Variants in ITK observed in about 807,000 individuals in gnomAD.
ITK encodes tyrosine-protein kinase ITK/TSK.
Under a neutral mutation model 87.6 loss-of-function variants are expected in ITK, and 45 were observed. The observed-to-expected ratio is 0.51, with a 90% CI of 0.40 to 0.66. The LOEUF is 0.66. Ranked by LOEUF, ITK falls within the 30% of genes least tolerant of loss-of-function variation. The probability of loss-of-function intolerance (pLI) is 0.00; values close to 1 mark genes in which losing one functional copy is unlikely to be tolerated. For missense variants in ITK, 605 were observed against 766.3 expected (o/e 0.79, Z 2.48); for synonymous variants, 303 against 273.6 (o/e 1.11, Z -1.06).
At chr5:157,245,462 G>A (rs1755002514) in intron 13 of ITK, 2 of 552,708 alleles carry the variant, frequency 3.6e-6, no homozygotes, top group Non-Finnish European at 6.5e-6. Flanking sequence ...CCTATCTTTG[G>A]TTAGACAACA....
At chr5:157,193,680 G>C (rs1753793992) in intron 1 of ITK, among the ~76,000 whole-genome samples, 1 of 152,114 alleles carries the variant, frequency 6.6e-6, no homozygotes, top group Non-Finnish European at 1.5e-5. Flanking sequence ...TTCTTCAATG[G>C]ACATTTTCAG....
At chr5:157,251,885 G>T (rs1755144769) in intron 16 of ITK, among the ~76,000 whole-genome samples, 1 of 152,112 alleles carries the variant, frequency 6.6e-6, no homozygotes, top group Non-Finnish European at 1.5e-5. Context: ...TCCCATTACT[G>T]TAGCTTTAGA....
At position 157,245,729 on chromosome 5, in the gene ITK, G is replaced by T. The variant is rs1469011110; in HGVS notation, c.1453G>T (p.Ala485Ser). 5 of 1,613,996 alleles carry T rather than the reference G, an allele frequency of 3.1e-6. No homozygotes were observed. The highest frequency in any genetic ancestry group is 3.4e-6 in the Non-Finnish European group (4 of 1,179,976). Residue 485 changes from alanine to serine, a missense_variant, in exon 14 of 17, where the codon GCC (alanine) becomes TCC (serine). Physicochemically the swap from Ala to Ser is moderately conservative, Grantham distance 99. This residue lies in a region of ITK where 70 missense variants were observed against 122.5 expected (regional missense o/e 0.57). Transcript: ENST00000422843. ...TGTTTGCCTGTCTCCTCTCCAGGCT[G>T]CCAGAAATTGTTTGGTGGGAGAAAA... The part of the protein sequence containing the change: ...EACVIHRDLA[A>S]RNCLVGENQV...
intron 8 of ITK, 145 bp from the exon 9 acceptor site, chr5:157,237,964 G>GA (rs1315991420): frequency 1.3e-5 from 9 of 690,596 alleles, no homozygotes; most frequent in African/African-American, 1.8e-5. Flanking sequence ...AGGAGTAAAT[G>GA]AAACGGTAGC....
At chr5:157,202,981 A>G (rs574282801) in intron 1 of ITK, among the ~76,000 whole-genome samples, 236 of 152,254 alleles carry the variant, frequency 1.6e-3, no homozygotes, top group Non-Finnish European at 2.5e-3. Context: ...AGACTTACCC[A>G]GTATTTTTCT....
rs937525028 is a variant in ITK at position 157,253,712 on chromosome 5, C to T, written c.*1034C>T. 1 of 221,414 alleles carries T rather than the reference C, an allele frequency of 4.5e-6. No homozygotes were observed. The highest frequency in any genetic ancestry group is 5.8e-5 in the Admixed American group (1 of 17,332). The allele number at this position is 221,414 out of a possible 1,614,324, so 13.7% of individuals were successfully genotyped here. On this transcript the variant is annotated 3_prime_UTR_variant, in exon 17 of 17. Transcript: ENST00000422843. ...CGAGCAATTGAAACTTGTTTAGGCC[C>T]TAGGGTTGAGCAATTTTAAGGTTGA...
chr5:157,246,024 GC>G, intron 15 of ITK, 25 bp downstream of exon 15: 3 of 1,495,216 alleles, frequency 2.0e-6, no homozygotes, highest in Non-Finnish European at 1.9e-6. Context: ...GGGCCCCACT[GC>G]CCCATGATCT....
At chr5:157,217,721 C>T in intron 4 of ITK, 146 bp from the exon 5 acceptor site, 1 of 705,718 alleles carries the variant, frequency 1.4e-6, no homozygotes. Flanking sequence ...TCAGGTTTCA[C>T]TGTGTCTTAT....
intron 13 of ITK, chr5:157,245,223 T>TAA (rs139283977): frequency 2.8e-4 from 46 of 161,778 alleles, no homozygotes; most frequent in South Asian, 5.6e-4. Flanking sequence ...AGACTCCATC[T>TAA]AAAAAAAAAA....
At chr5:157,185,242 C>CT (rs796151659) in intron 1 of ITK, among the ~76,000 whole-genome samples, 5,300 of 141,396 alleles carry the variant, frequency 0.037, 273 homozygotes, top group African/African-American at 0.12. Flanking sequence ...AAAAAGCTAT[C>CT]TTTTTTTTTT....
chr5:157,185,090 G>C (rs1027208509), intron 1 of ITK, among the ~76,000 whole-genome samples: 5 of 152,086 alleles, frequency 3.3e-5, no homozygotes, highest in African/African-American at 1.2e-4. Flanking sequence ...GTGGGGAGAT[G>C]GTCCCCTTTC....
intron 1 of ITK, among the ~76,000 whole-genome samples, chr5:157,205,187 T>C (rs1297536848): frequency 6.6e-6 from 1 of 152,142 alleles, no homozygotes; most frequent in Non-Finnish European, 1.5e-5. Context: ...CAATCAACTC[T>C]CAAAAGGTAG....
intron 1 of ITK, among the ~76,000 whole-genome samples, chr5:157,204,897 C>T (rs1199303804): frequency 1.3e-5 from 2 of 152,160 alleles, no homozygotes; most frequent in Non-Finnish European, 2.9e-5. Flanking sequence ...GTCTGCTTCT[C>T]GCATCTTGAA....
chr5:157,223,846 A>G (rs1378845977), intron 6 of ITK, among the ~76,000 whole-genome samples: 1 of 152,238 alleles, frequency 6.6e-6, no homozygotes, highest in Non-Finnish European at 1.5e-5. Flanking sequence ...GTATGAGGTT[A>G]TTATTAATTT....
At chr5:157,226,712 G>C (rs979566619) in intron 6 of ITK, among the ~76,000 whole-genome samples, 6 of 152,140 alleles carry the variant, frequency 3.9e-5, no homozygotes, top group African/African-American at 1.4e-4. Flanking sequence ...ATAATCACTA[G>C]ATTGAAAATT....
chr5:157,232,313 T>A, intron 7 of ITK, 27 bp from the exon 8 acceptor site: 1 of 1,525,428 alleles, frequency 6.6e-7, no homozygotes, highest in Non-Finnish European at 9.1e-7. Context: ...AATATGTCAT[T>A]GACATATGAC....
intron 11 of ITK, 38 bp from the exon 12 acceptor site, chr5:157,243,585 G>C (rs1754957397): frequency 6.3e-7 from 1 of 1,583,234 alleles, no homozygotes; most frequent in Non-Finnish European, 8.7e-7. Flanking sequence ...TATATCTACT[G>C]CTTGCTGACC....
intron 8 of ITK, among the ~76,000 whole-genome samples, chr5:157,233,421 C>T (rs1451623308): frequency 6.6e-6 from 1 of 152,200 alleles, no homozygotes; most frequent in African/African-American, 2.4e-5. Flanking sequence ...GAGCTGAGTC[C>T]TTACTGAACT....
intron 1 of ITK, among the ~76,000 whole-genome samples, chr5:157,198,624 C>T (rs1307899859): frequency 6.6e-6 from 1 of 152,106 alleles, no homozygotes; most frequent in Admixed American, 6.6e-5. Flanking sequence ...TTTCCCAGAG[C>T]TTTAGAATAG....
Sources: gnomAD v4.1 joint callset for allele counts (sites outside exome capture counted in the v4.1 genomes callset) on GRCh38, gnomAD v4.1.1 for gene constraint, gnomAD v4.1.1 regional missense constraint, MANE v1.5 for transcripts, NCBI Gene and HGNC (gene_info 2026-07-23, HGNC 2026-07-21) for gene names.